The following IP6K1 variants were observed in gnomAD, a reference collection of about 807,000 sequenced individuals.
IP6K1 encodes the protein ATP:1D-myo-inositol-hexakisphosphate phosphotransferase.
IP6K1 carries 13 observed loss-of-function variants against 38.3 expected under a neutral mutation model. That is an observed-to-expected ratio of 0.34 (90% CI 0.22 to 0.54). IP6K1 has a LOEUF of 0.54. Ranked by LOEUF, IP6K1 falls within the 20% of genes least tolerant of loss-of-function variation. The pLI is 0.92. For missense variants in IP6K1, 397 were observed against 599.8 expected, an observed-to-expected ratio of 0.66 and a Z score of 3.53; for synonymous variants, 212 against 229.9, an observed-to-expected ratio of 0.92 and a Z score of 0.70.
chr3:49,754,924 A>AT (rs1379756870), intron 1 of IP6K1, among the ~76,000 whole-genome samples: 2 of 83,528 alleles, frequency 2.4e-5, no homozygotes, highest in African/African-American at 4.1e-5. Flanking sequence ...TTGATATGCA[A>AT]TCTTTTTTTT....
chr3:49,724,332 C>G lies in IP6K1; in HGVS notation c.*2790G>C, dbSNP rs115258065. ...GCTTTATTTTTGACATACACGACCTCAGACACAAGCGGGGCGGGCAGCGCT... is the reference window on the plus strand; with the variant it reads ...GCTTTATTTTTGACATACACGACCTGAGACACAAGCGGGGCGGGCAGCGCT... On this transcript the variant is annotated 3_prime_UTR_variant, in exon 6 of 6. Transcript: ENST00000321599. 1,619 of 152,500 alleles carry G rather than the reference C, an allele frequency of 0.011. 24 individuals carry two copies. Among genetic ancestry groups the G allele is most frequent in the African/African-American group, 0.037 (1,520 of 41,580 alleles). 9.4% of individuals were successfully genotyped at this position (152,500 alleles called of 1,614,324 possible).
At chr3:49,738,127 G>T in intron 3 of IP6K1, 85 bp downstream of exon 3, 2 of 1,118,514 alleles carry the variant, frequency 1.8e-6, no homozygotes, top group Non-Finnish European at 2.7e-6. Flanking sequence ...AACCTTGACT[G>T]TGAGCCCTGC....
intron 1 of IP6K1, among the ~76,000 whole-genome samples, chr3:49,755,273 C>A (rs1250100894): frequency 6.6e-6 from 1 of 151,970 alleles, no homozygotes; most frequent in Non-Finnish European, 1.5e-5. Context: ...AGTGAAGCAC[C>A]TTTAGTGCCT....
intron 2 of IP6K1, among the ~76,000 whole-genome samples, chr3:49,743,219 C>CAAAACA (rs143165293): frequency 6.9e-6 from 1 of 144,330 alleles, no homozygotes; most frequent in African/African-American, 2.6e-5. Flanking sequence ...GACCCTATCT[C>CAAAACA]AAAACAAAAA....
chr3:49,755,060 G>C (rs1575317284), intron 1 of IP6K1, among the ~76,000 whole-genome samples: 1 of 145,836 alleles, frequency 6.9e-6, no homozygotes, highest in South Asian at 2.2e-4. Context: ...AGCCTTCCAA[G>C]TAGTTGAAAA....
Position 49,725,229 on chromosome 3 carries a change from G to T in IP6K1, c.*1893C>A, listed in dbSNP as rs7634902. The stretch of plus-strand genomic sequence containing the variant: ...TGCGGCAGCCTCTCCTCCCAGAATC[G>T]AGGAATCTGGGAGGCACAGGACATC... On this transcript the variant is annotated 3_prime_UTR_variant, in exon 6 of 6. Transcript: ENST00000321599. 81,289 of 152,466 alleles carry T rather than the reference G, an allele frequency of 0.53. 22,496 individuals are homozygous for T. The highest frequency in any genetic ancestry group is 0.82 in the East Asian group (4,253 of 5,168). The allele number at this position is 152,466 out of a possible 1,614,324, so 9.4% of individuals were successfully genotyped here.
intron 1 of IP6K1, among the ~76,000 whole-genome samples, chr3:49,762,712 T>A (rs1400208979): frequency 6.6e-6 from 1 of 152,110 alleles, no homozygotes; most frequent in East Asian, 1.9e-4. Flanking sequence ...TACATAATTT[T>A]TTTTCAGAAA....
rs1331541766 is a variant in IP6K1 at position 49,727,727 on chromosome 3, C to CT, written c.793-73dup. On this transcript the variant is annotated intron_variant, in intron 5 of 5. Transcript: ENST00000321599. The surrounding 1 kb of genome is among the most constrained non-coding windows in gnomAD (Gnocchi z 5.9). ...GAGCTCACAGTGCCCTGGGCAAACA[C>CT]TGTCTGGAAGGGACTTTGACCAACC... 6.7e-7 allele frequency: 1 copy of CT among 1,501,436 alleles called. No homozygotes were observed. Among genetic ancestry groups the CT allele is most frequent in the Non-Finnish European group, 9.1e-7 (1 of 1,104,898 alleles). The allele number at this position is 1,501,436 out of a possible 1,614,324, so 93.0% of individuals were successfully genotyped here. A position where few individuals can be genotyped will look rare whatever the true frequency, so the allele number is the denominator to read the frequency against.
chr3:49,736,931 C>G (rs2080617976), intron 3 of IP6K1, among the ~76,000 whole-genome samples: 1 of 151,826 alleles, frequency 6.6e-6, no homozygotes, highest in African/African-American at 2.4e-5. Flanking sequence ...ACCACCATGC[C>G]CGGCTAATTT....
At chr3:49,742,952 G>C (rs1275586481) in intron 2 of IP6K1, among the ~76,000 whole-genome samples, 1 of 152,010 alleles carries the variant, frequency 6.6e-6, no homozygotes, top group Non-Finnish European at 1.5e-5. Flanking sequence ...ACACAGTCCA[G>C]CCACGGTGGC....
At chr3:49,757,549 T>G (rs2080834428) in intron 1 of IP6K1, among the ~76,000 whole-genome samples, 1 of 151,498 alleles carries the variant, frequency 6.6e-6, no homozygotes, top group African/African-American at 2.4e-5. Context: ...CATGGCAAAA[T>G]ACTGTCTCTA....
In IP6K1 at chr3:49,728,231, C is replaced by T; in HGVS notation, c.664G>A (p.Val222Met). 3.1e-6 allele frequency: 5 copies of T among 1,614,158 alleles called. No individual in the cohort carries two copies. Among genetic ancestry groups the T allele is most frequent in the Non-Finnish European group, 4.2e-6 (5 of 1,180,040 alleles). ...CGCGTGCCCATCTTCAGGTCCAACA[C>T]GCAGGGGTACTTGAAGTGGTGCACC... is the stretch of plus-strand genomic sequence containing the variant. ...NVVHHFKYPC[V>M]LDLKMGTRQH... The change falls in exon 5 of 6, where the codon GTG becomes ATG. Residue 222 changes from valine to methionine, a missense_variant. Physicochemically the swap from Val to Met is conservative, Grantham distance 21. This residue lies in a region of IP6K1 where 62 missense variants were observed against 149.2 expected (regional missense o/e 0.42). Coordinates refer to ENST00000321599, the MANE Select transcript of IP6K1 (RefSeq NM_153273.4).
At chr3:49,769,732 C>G (rs928830908) in intron 1 of IP6K1, among the ~76,000 whole-genome samples, 3 of 152,170 alleles carry the variant, frequency 2.0e-5, no homozygotes, top group African/African-American at 4.8e-5. Context: ...TTCTTCCTTA[C>G]TTTGTCTTAG....
chr3:49,769,797 T>TATAACTTGTTA (rs2080942732), intron 1 of IP6K1, among the ~76,000 whole-genome samples: 1 of 152,206 alleles, frequency 6.6e-6, no homozygotes, highest in Admixed American at 6.5e-5. Flanking sequence ...GAGCCCTGTG[T>TATAACTTGTTA]ATAACTTGTT....
chr3:49,767,451 G>A (rs567136991), intron 1 of IP6K1, among the ~76,000 whole-genome samples: 31 of 151,850 alleles, frequency 2.0e-4, no homozygotes, highest in Non-Finnish European at 4.0e-4. Context: ...GTGGTGGCAC[G>A]TGCCTGTAAT....
chr3:49,743,105 G>A (rs1027348201), intron 2 of IP6K1, among the ~76,000 whole-genome samples: 4 of 151,802 alleles, frequency 2.6e-5, no homozygotes, highest in Non-Finnish European at 5.9e-5. Context: ...GCAGGCACCT[G>A]TAAGTCCCAG....
At chr3:49,776,009 G>A (rs968710682) in intron 1 of IP6K1, among the ~76,000 whole-genome samples, 1 of 151,338 alleles carries the variant, frequency 6.6e-6, no homozygotes, top group Non-Finnish European at 1.5e-5. Flanking sequence ...AGCAGCTCTG[G>A]TGGCAGCTGT....
intron 1 of IP6K1, among the ~76,000 whole-genome samples, chr3:49,784,646 GAAAAA>G (rs35547506): frequency 7.4e-6 from 1 of 134,514 alleles, no homozygotes; most frequent in African/African-American, 2.8e-5. Context: ...CTTCGTCTCA[GAAAAA>G]AAAAAAAAAA....
chr3:49,743,625 T>G (rs1400748577), intron 2 of IP6K1, among the ~76,000 whole-genome samples: 3 of 150,252 alleles, frequency 2.0e-5, no homozygotes, highest in Admixed American at 6.6e-5. Context: ...TTTTGTTTTT[T>G]TTTTTTTTTT....
Sources: allele counts gnomAD v4.1 joint callset (sites outside exome capture counted in the v4.1 genomes callset), GRCh38; gene constraint gnomAD v4.1.1; regional missense constraint gnomAD v4.1.1; non-coding constraint Gnocchi (gnomAD v3.1); transcripts MANE v1.5; gene names NCBI Gene and HGNC (gene_info 2026-07-23, HGNC 2026-07-21).